Variants in CDH13 observed in about 807,000 individuals in gnomAD.
The protein encoded by CDH13 is cadherin-13.
A neutral mutation model predicts 63.8 loss-of-function variants in CDH13; 24 were observed. That is an observed-to-expected ratio of 0.38 (90% CI 0.27 to 0.53). CDH13 has a LOEUF of 0.53. CDH13 is among the 20% of genes least tolerant of loss of function. The probability of loss-of-function intolerance (pLI) is 0.85; values close to 1 mark genes in which losing one functional copy is unlikely to be tolerated. For synonymous variants in CDH13, 503 were observed against 355.3 expected (o/e 1.42, Z -4.67); for missense variants, 1,049 against 903.1 (o/e 1.16, Z -2.07).
At chr16:83,192,180 C>T (rs749851578) in intron 4 of CDH13, among the ~76,000 whole-genome samples, 5 of 152,174 alleles carry the variant, frequency 3.3e-5, no homozygotes, top group Admixed American at 1.3e-4. Flanking sequence ...CCCAGAGATT[C>T]CCCTTCCCAT....
chr16:82,668,242 G>C (rs960756181), intron 1 of CDH13, among the ~76,000 whole-genome samples: 2 of 152,122 alleles, frequency 1.3e-5, no homozygotes, highest in Admixed American at 6.5e-5. Flanking sequence ...CGTGTCCTAT[G>C]AGCCCTGATC....
At chr16:83,176,751 G>C (rs80221965) in intron 4 of CDH13, among the ~76,000 whole-genome samples, 1,949 of 152,178 alleles carry the variant, frequency 0.013, 61 homozygotes, top group South Asian at 0.11. Flanking sequence ...AAAGTCTTTA[G>C]TTGCTTGATG....
At chr16:83,785,115 G>A (rs1915791549) in intron 13 of CDH13, among the ~76,000 whole-genome samples, 1 of 152,156 alleles carries the variant, frequency 6.6e-6, no homozygotes, top group African/African-American at 2.4e-5. Context: ...ACAGCAATTG[G>A]GCTAAACGTT....
intron 10 of CDH13, among the ~76,000 whole-genome samples, chr16:83,710,986 T>C (rs1052342989): frequency 6.6e-6 from 1 of 152,182 alleles, no homozygotes; most frequent in Non-Finnish European, 1.5e-5. Context: ...ATACTGGGAC[T>C]CAACCTGGGG....
intron 2 of CDH13, chr16:82,859,433 C>T (rs1376721838): frequency 1.3e-5 from 2 of 152,260 alleles, no homozygotes; most frequent in African/African-American, 4.8e-5. Flanking sequence ...TGGCATATGC[C>T]TATAGTCCCA....
At chr16:83,039,827 C>T (rs1187067326) in intron 3 of CDH13, among the ~76,000 whole-genome samples, 1 of 152,164 alleles carries the variant, frequency 6.6e-6, no homozygotes, top group Non-Finnish European at 1.5e-5. Context: ...GGCTACTCCT[C>T]TGTCTGGACA....
intron 6 of CDH13, among the ~76,000 whole-genome samples, chr16:83,347,782 G>T (rs1035455466): frequency 3.3e-5 from 5 of 152,206 alleles, no homozygotes; most frequent in Non-Finnish European, 1.5e-5. Flanking sequence ...TGCCACATCT[G>T]CCTTAATTCT....
intron 7 of CDH13, among the ~76,000 whole-genome samples, chr16:83,522,371 T>C (rs2074859349): frequency 6.6e-6 from 1 of 152,220 alleles, no homozygotes; most frequent in African/African-American, 2.4e-5. Flanking sequence ...CTGTCAAAAT[T>C]AACATGAGTA....
chr16:83,210,872 G>A (rs913631054), intron 4 of CDH13, among the ~76,000 whole-genome samples: 5 of 151,424 alleles, frequency 3.3e-5, no homozygotes, highest in African/African-American at 9.7e-5. Flanking sequence ...ACTAGAGGCC[G>A]GGCGTGGTGG....
intron 1 of CDH13, among the ~76,000 whole-genome samples, chr16:82,663,859 T>A (rs540654506): frequency 6.6e-6 from 1 of 152,198 alleles, no homozygotes; most frequent in Non-Finnish European, 1.5e-5. Flanking sequence ...ACTATGTGAA[T>A]ATAGCGTGGG....
chr16:82,655,851 G>C (rs963313454), intron 1 of CDH13, among the ~76,000 whole-genome samples: 1 of 152,164 alleles, frequency 6.6e-6, no homozygotes, highest in Non-Finnish European at 1.5e-5. Flanking sequence ...CAGATAGGAA[G>C]CAATGCCTTC....
At chr16:83,350,178 C>A (rs1165392518) in intron 6 of CDH13, among the ~76,000 whole-genome samples, 1 of 152,146 alleles carries the variant, frequency 6.6e-6, no homozygotes, top group Non-Finnish European at 1.5e-5. Flanking sequence ...GAGGCCTCGG[C>A]CTTCCAACAA....
intron 2 of CDH13, among the ~76,000 whole-genome samples, chr16:83,022,295 G>A (rs1915416015): frequency 6.6e-6 from 1 of 152,206 alleles, no homozygotes; most frequent in African/African-American, 2.4e-5. Context: ...ATTGAATTCT[G>A]TTTTTCCAAG....
At chr16:82,786,984 G>A (rs532550525) in intron 1 of CDH13, among the ~76,000 whole-genome samples, 2 of 152,244 alleles carry the variant, frequency 1.3e-5, no homozygotes, top group Admixed American at 6.5e-5. Flanking sequence ...TAAATTAACA[G>A]GAGTATGAAC....
At position 83,224,204 on chromosome 16, in the gene CDH13, A is replaced by G. The variant is rs182103107; in HGVS notation, c.636+6707A>G. ...TGACGGCTGAGTACTATTCTACCAT[A>G]TATATATGTATGTATACACACACCA... On this transcript the variant is annotated intron_variant, in intron 5 of 13. Transcript: ENST00000567109. Among the ~76,000 whole-genome samples the G allele has an allele frequency of 7.2e-3, 1,103 of 152,174 alleles. 6 individuals are homozygous for G. Among genetic ancestry groups the G allele is most frequent in the Non-Finnish European group, 0.012 (835 of 68,032 alleles).
At chr16:82,856,611 A>T (rs1453315023) in intron 1 of CDH13, among the ~76,000 whole-genome samples, 2 of 128,294 alleles carry the variant, frequency 1.6e-5, no homozygotes, top group Non-Finnish European at 3.1e-5. Flanking sequence ...CTGAGGTGGG[A>T]GGATCGCTTG....
At chr16:82,694,260 A>G (rs2029983680) in intron 1 of CDH13, among the ~76,000 whole-genome samples, 1 of 152,184 alleles carries the variant, frequency 6.6e-6, no homozygotes, top group African/African-American at 2.4e-5. Flanking sequence ...ATAAAAAGTA[A>G]TGTTTGACTC....
intron 5 of CDH13, among the ~76,000 whole-genome samples, chr16:83,228,947 T>G (rs1172655379): frequency 1.3e-5 from 2 of 152,164 alleles, no homozygotes; most frequent in African/African-American, 4.8e-5. Context: ...ATCAGATAGA[T>G]GCAGTTTTCA....
chr16:83,331,098 G>A (rs1445678791), intron 5 of CDH13, among the ~76,000 whole-genome samples: 1 of 152,160 alleles, frequency 6.6e-6, no homozygotes, highest in Non-Finnish European at 1.5e-5. Context: ...AGGTGACTGA[G>A]TACCTTAAAC....
Sources: allele counts gnomAD v4.1 joint callset (sites outside exome capture counted in the v4.1 genomes callset), GRCh38; gene constraint gnomAD v4.1.1; transcripts MANE v1.5; gene names NCBI Gene and HGNC (gene_info 2026-07-23, HGNC 2026-07-21).